The following REPS2 variants were observed in gnomAD, a reference collection of about 807,000 sequenced individuals.
REPS2 encodes ralBP1-associated Eps domain-containing protein 2.
Under a neutral mutation model 53.6 loss-of-function variants are expected in REPS2, and 23 were observed. The observed-to-expected ratio is 0.43, with a 90% confidence interval of 0.31 to 0.61. REPS2 has a LOEUF of 0.61. REPS2 is among the 20% of genes least tolerant of loss of function. The pLI is 0.11. For missense variants in REPS2, 446 were observed against 534.9 expected (o/e 0.83, Z 1.64); for synonymous variants, 238 against 218.6 (o/e 1.09, Z -0.78).
At chrX:16,967,864 GATCATT>G (rs1190504515) in intron 1 of REPS2, among the ~76,000 whole-genome samples, 6 of 97,258 alleles carry the variant, frequency 6.2e-5, no homozygotes, top group African/African-American at 1.9e-4. Context: ...TTTTTTAATT[GATCATT>G]CTTAGGTGTT....
intron 6 of REPS2, among the ~76,000 whole-genome samples, chrX:17,050,199 T>TTTTCTTTTCTTTTCTTTTCTTTTC (rs1329968988): frequency 8.8e-5 from 6 of 68,476 alleles, no homozygotes; most frequent in Non-Finnish European, 1.3e-4. Flanking sequence ...TCTTTCTTTT[T>TTTTCTTTTCTTTTCTTTTCTTTTC]TTTTTTTTTT....
chrX:17,163,364 A>G, the REPS2 span, among the ~76,000 whole-genome samples: 15,897 of 111,075 alleles, frequency 0.14, 858 homozygotes, highest in Admixed American at 0.19. Context: ...GACACTGTCA[A>G]GCATACCATT....
intron 2 of REPS2, among the ~76,000 whole-genome samples, chrX:17,018,486 G>A (rs1269927606): frequency 9.0e-6 from 1 of 110,597 alleles, no homozygotes; most frequent in South Asian, 3.8e-4. Flanking sequence ...ACTGCACCTG[G>A]CCTGCCCATC....
intron 1 of REPS2, among the ~76,000 whole-genome samples, chrX:16,986,184 A>G (rs2061088421): frequency 8.9e-6 from 1 of 111,843 alleles, no homozygotes; most frequent in Admixed American, 9.5e-5. Flanking sequence ...TTTAATTTGG[A>G]CTTTCTAATA....
chrX:16,955,536 G>A (rs2060582883), intron 1 of REPS2, among the ~76,000 whole-genome samples: 1 of 111,650 alleles, frequency 9.0e-6, no homozygotes, highest in African/African-American at 3.3e-5. Flanking sequence ...CTCTGTGGAG[G>A]TCCAACACTT....
At chrX:17,131,544 A>G (rs942576411) in intron 14 of REPS2, among the ~76,000 whole-genome samples, 1 of 112,060 alleles carries the variant, frequency 8.9e-6, no homozygotes, top group African/African-American at 3.3e-5. Flanking sequence ...GTGGGTCAGT[A>G]GATGACTGGT....
At chrX:16,951,465 C>T (rs945653166) in intron 1 of REPS2, among the ~76,000 whole-genome samples, 2 of 100,895 alleles carry the variant, frequency 2.0e-5, no homozygotes, top group African/African-American at 7.3e-5. Flanking sequence ...CCCAGGAGTT[C>T]TAGACTAGCC....
intron 14 of REPS2, among the ~76,000 whole-genome samples, chrX:17,115,837 G>C (rs1043934756): frequency 4.5e-5 from 5 of 111,886 alleles, no homozygotes; most frequent in African/African-American, 1.6e-4. Context: ...CAGAGAGCAC[G>C]GGGTTGGGGG....
intron 14 of REPS2, among the ~76,000 whole-genome samples, chrX:17,128,450 A>G (rs1007629702): frequency 1.8e-5 from 2 of 111,051 alleles, no homozygotes; most frequent in Admixed American, 9.6e-5. Context: ...ATAAGTCTCT[A>G]GAGAAGAGGG....
chrX:17,135,094 C>T (rs1302320918), intron 15 of REPS2, among the ~76,000 whole-genome samples, 167 bp from the exon 16 acceptor site: 1 of 110,984 alleles, frequency 9.0e-6, no homozygotes, highest in Non-Finnish European at 1.9e-5. Context: ...GACCACTGGA[C>T]TCTGATGCCT....
intron 1 of REPS2, among the ~76,000 whole-genome samples, chrX:16,988,413 G>C (rs113774535): frequency 1.0e-3 from 113 of 112,288 alleles, no homozygotes; most frequent in African/African-American, 3.5e-3. Flanking sequence ...CAGGATATAA[G>C]ATAAACATAC....
intron 14 of REPS2, among the ~76,000 whole-genome samples, chrX:17,118,115 A>G (rs1428342643): frequency 9.8e-6 from 1 of 101,755 alleles, no homozygotes; most frequent in African/African-American, 3.6e-5. Flanking sequence ...GCCTGCCACT[A>G]CGCCCGGCTA....
chrX:17,027,480 C>T (rs1267808902), intron 4 of REPS2, among the ~76,000 whole-genome samples: 2 of 111,072 alleles, frequency 1.8e-5, no homozygotes, highest in African/African-American at 6.6e-5. Context: ...GAGTTGTTTC[C>T]AGTGTTTGGC....
chrX:17,121,223 G>A (rs547796425), intron 14 of REPS2, among the ~76,000 whole-genome samples: 60 of 112,051 alleles, frequency 5.4e-4, no homozygotes, highest in African/African-American at 1.9e-3. Context: ...GAGAAAATGG[G>A]GTGAAGGAAT....
chrX:17,126,750 A>G (rs766334254), intron 14 of REPS2, among the ~76,000 whole-genome samples: 18 of 111,801 alleles, frequency 1.6e-4, no homozygotes, highest in African/African-American at 5.5e-4. Flanking sequence ...ATTGGAACAC[A>G]GTTGTGCCCA....
intron 5 of REPS2, among the ~76,000 whole-genome samples, chrX:17,042,830 C>G (rs752270623): frequency 9.0e-6 from 1 of 111,208 alleles, no homozygotes; most frequent in African/African-American, 3.3e-5. Flanking sequence ...GGGTCTTGCT[C>G]TATCACCCAG....
At chrX:16,965,343 G>T (rs1380959532) in intron 1 of REPS2, among the ~76,000 whole-genome samples, 2 of 113,172 alleles carry the variant, frequency 1.8e-5, no homozygotes. Context: ...TCCCGGACGG[G>T]GCGGCTGGCC....
chrX:17,087,924 CG>C (rs2062559778), intron 13 of REPS2, among the ~76,000 whole-genome samples: 1 of 91,280 alleles, frequency 1.1e-5, no homozygotes, highest in Non-Finnish European at 2.2e-5. Context: ...GAGACTCTGT[CG>C]ATAGATAGAT....
chrX:16,994,382 C>T (rs5924539), intron 1 of REPS2, among the ~76,000 whole-genome samples: 40,294 of 95,502 alleles, frequency 0.42, 6,091 homozygotes, highest in East Asian at 0.89. Flanking sequence ...CATATATATA[C>T]ACACACGTAC....
Sources: allele counts gnomAD v4.1 joint callset (sites outside exome capture counted in the v4.1 genomes callset), GRCh38; gene constraint gnomAD v4.1.1; transcripts MANE v1.5; gene names NCBI Gene and HGNC (gene_info 2026-07-23, HGNC 2026-07-21).